Variants in DOCK8 observed in about 807,000 individuals in gnomAD.
The protein encoded by DOCK8 is dedicator of cytokinesis protein 8.
A neutral mutation model predicts 245.6 loss-of-function variants in DOCK8; 141 were observed. The ratio of observed to expected loss-of-function variants is 0.57; its 90% CI spans 0.50 to 0.66. DOCK8 has a LOEUF of 0.66. Among genes scored for constraint, DOCK8 ranks in the 30% least tolerant of loss-of-function variants. The pLI is 0.00. For missense variants in DOCK8, 2,965 were observed against 2,603.4 expected, an observed-to-expected ratio of 1.14 and a Z score of -3.02; for synonymous variants, 1,168 against 970.2, an observed-to-expected ratio of 1.20 and a Z score of -3.79.
At chr9:372,644 G>A (rs1012670841) in intron 18 of DOCK8, among the ~76,000 whole-genome samples, 3 of 152,262 alleles carry the variant, frequency 2.0e-5, no homozygotes, top group East Asian at 3.9e-4. Flanking sequence ...AGATTCATCC[G>A]TTTCTTTCTT....
intron 11 of DOCK8, 80 bp downstream of exon 11, chr9:334,464 G>A (rs1244506144): frequency 6.0e-6 from 9 of 1,496,580 alleles, no homozygotes; most frequent in South Asian, 1.2e-5. Context: ...AGCGGGGACT[G>A]GGGGCACAGT....
At chr9:326,061 C>T (rs1437424237) in intron 8 of DOCK8, among the ~76,000 whole-genome samples, 1 of 152,186 alleles carries the variant, frequency 6.6e-6, no homozygotes. Flanking sequence ...GCATGTAAAG[C>T]TTCCTCAGTT....
In DOCK8 at chr9:387,061, C is replaced by T. The variant is rs149339352; in HGVS notation, c.2874+635C>T. Among the ~76,000 whole-genome samples, 254 of 152,332 alleles carry T rather than the reference C, an allele frequency of 1.7e-3. 1 individual carries two copies. The highest frequency in any genetic ancestry group is 5.9e-3 in the African/African-American group (244 of 41,568). On this transcript the variant is annotated intron_variant, in intron 23 of 47. Coordinates refer to ENST00000432829, the MANE Select transcript of DOCK8 (RefSeq NM_203447.4). The stretch of plus-strand genomic sequence containing the variant: ...GAGGGATGGAGGGAAAAAAAACTGT[C>T]TGCCCTAATTTCCTCTCTTCTAGGC...
In DOCK8 at chr9:244,864, C is replaced by T. The variant is rs576629861; in HGVS notation, c.54-26763C>T. On this transcript the variant is annotated intron_variant, in intron 1 of 47. Transcript: ENST00000432829. ...TCTCTAGTTGATCATGACAGATGGG[C>T]CAGTGTGTTTTGAAGAAGACTGGCT... 5.3e-5 allele frequency among the ~76,000 whole-genome samples: 8 copies of T among 152,168 alleles called. No individual in the cohort carries two copies. The South Asian group carries it at 1.7e-3, about 32-fold the overall frequency.
At chr9:452,951 A>G (rs372998492) in intron 46 of DOCK8, 2 of 152,230 alleles carry the variant, frequency 1.3e-5, no homozygotes, top group South Asian at 2.1e-4. Context: ...CATTTCACCT[A>G]TAAGAGAAAA....
chr9:436,144 C>T (rs2056893765), intron 39 of DOCK8, among the ~76,000 whole-genome samples: 1 of 152,226 alleles, frequency 6.6e-6, no homozygotes, highest in Non-Finnish European at 1.5e-5. Flanking sequence ...TTTTCCAGAA[C>T]ACAGCAAAGC....
rs1454954894 is a variant in DOCK8, at chr9:286,562, C to T, written c.258C>T (p.Phe86=). Residue 86 remains phenylalanine (F), a synonymous_variant, in exon 3 of 48, where the codon TTC becomes TTT. Transcript: ENST00000432829. ...DVQLAQELGD[F]TDDDLDVVFT... ...AGCTTGCCCAGGAGCTCGGGGACTT[C>T]ACTGATGACGACTTGGACGTGGTGT... 8.1e-6 allele frequency: 13 copies of T among 1,613,866 alleles called. No homozygotes were observed. The highest frequency in any genetic ancestry group is 1.0e-5 in the Non-Finnish European group (12 of 1,179,952).
rs1369480680 is a variant in DOCK8 at position 439,859 on chromosome 9, C to G, written c.5223+471C>G. On this transcript the variant is annotated intron_variant, in intron 40 of 47. Coordinates refer to ENST00000432829, the MANE Select transcript of DOCK8 (RefSeq NM_203447.4). Reference sequence around the variant, plus strand: ...GCCACTGTGCAGTCTGAAGGACCATCACAGACCAGGACCAGCTTACAGAAA... The same window carrying G: ...GCCACTGTGCAGTCTGAAGGACCATGACAGACCAGGACCAGCTTACAGAAA... Among the ~76,000 whole-genome samples the G allele has an allele frequency of 2.0e-5, 3 of 152,118 alleles. No homozygotes were observed. The East Asian group carries it at 5.8e-4, about 29-fold the overall frequency.
chr9:312,983 A>G (rs1255901337), intron 6 of DOCK8: 1 of 153,240 alleles, frequency 6.5e-6, no homozygotes, highest in Non-Finnish European at 1.5e-5. Flanking sequence ...TATTCTATCC[A>G]TCCATGCCTC....
intron 1 of DOCK8, among the ~76,000 whole-genome samples, chr9:245,203 T>C (rs1368847696): frequency 6.6e-6 from 1 of 152,116 alleles, no homozygotes; most frequent in Non-Finnish European, 1.5e-5. Flanking sequence ...TTTATTTATT[T>C]ATTCATTTAT....
intron 23 of DOCK8, among the ~76,000 whole-genome samples, 160 bp from the exon 24 acceptor site, chr9:390,311 C>T (rs893666128): frequency 3.3e-5 from 5 of 152,196 alleles, no homozygotes; most frequent in African/African-American, 1.2e-4. Flanking sequence ...GATCTCAGCA[C>T]TGACTTTGCC....
At chr9:350,425 C>A (rs975101486) in intron 14 of DOCK8, among the ~76,000 whole-genome samples, 3 of 152,180 alleles carry the variant, frequency 2.0e-5, no homozygotes, top group African/African-American at 7.2e-5. Flanking sequence ...CATTTATTTC[C>A]TGGTTACAAT....
chr9:358,139 C>CA (rs1188313975), intron 14 of DOCK8, among the ~76,000 whole-genome samples: 1 of 152,104 alleles, frequency 6.6e-6, no homozygotes, highest in African/African-American at 2.4e-5. Flanking sequence ...GGCTGGAGTG[C>CA]AGTGGCATGA....
At chr9:306,620 G>C (rs1334595966) in intron 5 of DOCK8, among the ~76,000 whole-genome samples, 1 of 152,138 alleles carries the variant, frequency 6.6e-6, no homozygotes, top group Non-Finnish European at 1.5e-5. Flanking sequence ...ATACGGCAGT[G>C]GTTCTCCACT....
At position 399,215 on chromosome 9, in the gene DOCK8, G is replaced by T; in HGVS notation, c.3190G>T (p.Asp1064Tyr). ...FFLYDLLSLMDRGFVFNLIRH... is the reference protein window; with the variant it reads ...FFLYDLLSLMYRGFVFNLIRH... The stretch of plus-strand genomic sequence containing the variant: ...CTTGTATGACCTTCTCTCCCTCATG[G>T]ATCGGGGCTTTGTGTTTAACCTCAT... Residue 1064 changes from aspartate to tyrosine, a missense_variant, in exon 26 of 48, where the codon GAT becomes TAT. Transcript: ENST00000432829. 6.2e-7 allele frequency: 1 copy of T among 1,613,958 alleles called. No individual in the cohort carries two copies. Among genetic ancestry groups the T allele is most frequent in the Non-Finnish European group, 8.5e-7 (1 of 1,179,976 alleles).
upstream of DOCK8, chr9:214,617 T>C: frequency 6.2e-7 from 1 of 1,613,646 alleles, no homozygotes; most frequent in African/African-American, 1.3e-5. Flanking sequence ...GCTTCCGGCC[T>C]GCGCGCAGTG....
At chr9:405,794 A>G (rs374602671) in intron 27 of DOCK8, among the ~76,000 whole-genome samples, 1 of 152,240 alleles carries the variant, frequency 6.6e-6, no homozygotes, top group Non-Finnish European at 1.5e-5. Flanking sequence ...TCTTAGCCAT[A>G]TATGCCATAT....
Position 392,945 on chromosome 9 carries a change from G to T in DOCK8, c.2970+2379G>T, listed in dbSNP as rs566990640. Among the ~76,000 whole-genome samples the T allele has an allele frequency of 1.5e-4, 23 of 151,828 alleles. 1 individual carries two copies. Among genetic ancestry groups the T allele is most frequent in the Admixed American group, 1.3e-3 (20 of 15,260 alleles). Reference sequence around the variant, plus strand: ...CTGCAAAAATGAAAAAATTACCTGGGTGTGGTAACATGTGCTTGTAGTCTC... The same window carrying T: ...CTGCAAAAATGAAAAAATTACCTGGTTGTGGTAACATGTGCTTGTAGTCTC... On this transcript the variant is annotated intron_variant, in intron 24 of 47. Coordinates refer to ENST00000432829, the MANE Select transcript of DOCK8 (RefSeq NM_203447.4).
intron 8 of DOCK8, among the ~76,000 whole-genome samples, chr9:327,696 C>T (rs544357501): frequency 1.2e-3 from 184 of 152,308 alleles, no homozygotes; most frequent in African/African-American, 4.3e-3. Flanking sequence ...CACACCCAGT[C>T]CTTCCCTCAT....
Sources: allele counts gnomAD v4.1 joint callset (sites outside exome capture counted in the v4.1 genomes callset), GRCh38; gene constraint gnomAD v4.1.1; transcripts MANE v1.5; gene names NCBI Gene and HGNC (gene_info 2026-07-23, HGNC 2026-07-21).